ESPN: variants seen among roughly 807,000 people sequenced by gnomAD.
The protein encoded by ESPN is autosomal recessive deafness type 36 protein.
Under a neutral mutation model 77.7 loss-of-function variants are expected in ESPN, and 68 were observed. The observed-to-expected ratio is 0.87, with a 90% CI of 0.72 to 1.07. The LOEUF (loss-of-function observed/expected upper bound fraction) is 1.07. ESPN is among the 50% of genes least tolerant of loss of function. ESPN has a pLI of 0.00. For missense variants in ESPN, 1,060 were observed against 1,239.0 expected, an observed-to-expected ratio of 0.86 and a Z score of 2.17; for synonymous variants, 449 against 567.1, an observed-to-expected ratio of 0.79 and a Z score of 2.96.
rs1199434451 is a variant in ESPN at position 6,452,322 on chromosome 1, A to G, written c.2325+226A>G. ...CAGGTTCAAATGATTCTCCTGCCTC[A>G]GCCTCCCAGGTAGCTGGGATTACAG... On this transcript the variant is annotated intron_variant, in intron 10 of 12. Transcript: ENST00000645284. Among the ~76,000 whole-genome samples, 3 of 151,982 alleles carry G rather than the reference A, an allele frequency of 2.0e-5. No individual in the cohort carries two copies. The East Asian group carries it at 5.8e-4, about 29-fold the overall frequency.
In ESPN at chr1:6,447,775, T is replaced by G. The variant is rs1279352452; in HGVS notation, c.1465-866T>G. ...CGGGGGCCAAATATGAGAGGCCTCC[T>G]CTGCCCACAGTCAGCCCTCTCCCCT... On this transcript the variant is annotated intron_variant, in intron 7 of 12. Coordinates refer to ENST00000645284, the MANE Select transcript of ESPN (RefSeq NM_031475.3). The surrounding 1 kb of genome is among the most constrained non-coding windows in gnomAD (Gnocchi z 5.2). Among the ~76,000 whole-genome samples, 1 of 152,058 alleles carries G rather than the reference T, an allele frequency of 6.6e-6. No homozygotes were observed. Among genetic ancestry groups the G allele is most frequent in the Non-Finnish European group, 1.5e-5 (1 of 68,004 alleles).
intron 2 of ESPN, among the ~76,000 whole-genome samples, 156 bp from the exon 3 acceptor site, chr1:6,440,098 G>C (rs1643563980): frequency 6.6e-6 from 1 of 152,018 alleles, no homozygotes; most frequent in Non-Finnish European, 1.5e-5. Context: ...CTCAGTCCAG[G>C]GGGAGCCCCC....
chr1:6,445,301 C>T (rs962899362), intron 6 of ESPN, among the ~76,000 whole-genome samples: 8 of 152,386 alleles, frequency 5.2e-5, no homozygotes, highest in East Asian at 3.9e-4. Context: ...TGCTTCACGC[C>T]GCCAGATGGT....
intron 5 of ESPN, among the ~76,000 whole-genome samples, chr1:6,442,118 G>A (rs377599680): frequency 6.6e-6 from 1 of 152,196 alleles, no homozygotes; most frequent in Non-Finnish European, 1.5e-5. Flanking sequence ...TTGAGGGACC[G>A]TGGGGGGTGG....
rs747780607 is a variant in ESPN at position 6,440,977 on chromosome 1, G to A, written c.902G>A (p.Arg301His). 1 of 1,605,036 alleles carries A rather than the reference G, an allele frequency of 6.2e-7. No homozygotes were observed. The highest frequency in any genetic ancestry group is 1.7e-5 in the Admixed American group (1 of 59,156). Residue 301 changes from arginine (R) to histidine (H), a missense_variant, in exon 5 of 13, where the codon CGC becomes CAC. This residue lies in a region of ESPN where 556 missense variants were observed against 633.6 expected (regional missense o/e 0.88). Transcript: ENST00000645284. ...LVVNGAELDV[R>H]DRDGYTAADL... Reference sequence around the variant, plus strand: ...GTGAACGGCGCGGAGCTGGACGTCCGCGACCGCGACGGGTACACGGCCGCC... The same window carrying A: ...GTGAACGGCGCGGAGCTGGACGTCCACGACCGCGACGGGTACACGGCCGCC...
chr1:6,451,475 GC>G lies in ESPN; in HGVS notation c.1916-125del, dbSNP rs1643941317. ...TGCAGGACCTGGGATCTGGAGAGCT[GC>G]CCGCTGGCCCGGAGGATGGGCACCC... is the stretch of plus-strand genomic sequence containing the variant. On this transcript the variant is annotated intron_variant, in intron 8 of 12. Coordinates refer to ENST00000645284, the MANE Select transcript of ESPN (RefSeq NM_031475.3). The surrounding 1 kb of genome is among the most constrained non-coding windows in gnomAD (Gnocchi z 4.3). 1.5e-6 allele frequency: 2 copies of G among 1,332,602 alleles called. No individual in the cohort carries two copies. Among genetic ancestry groups the G allele is most frequent in the Non-Finnish European group, 2.1e-6 (2 of 952,028 alleles). 82.5% of individuals were successfully genotyped at this position (1,332,602 alleles called of 1,614,324 possible).
In ESPN at chr1:6,448,868, C is replaced by T. The variant is rs939407476; in HGVS notation, c.1692C>T (p.Leu564=). 5.4e-6 allele frequency: 7 copies of T among 1,294,782 alleles called. No homozygotes were observed. The African/African-American group carries it at 1.1e-4, about 20-fold the overall frequency. 80.2% of individuals were successfully genotyped at this position (1,294,782 alleles called of 1,614,324 possible). ...PRLGPAARGS[L]EGPSAPPQAA... ...TCGGCCCTGCCGCCCGCGGCTCACT[C>T]GAAGGCCCCTCCGCTCCCCCGCAGG... Residue 564 remains leucine (L), a synonymous_variant, in exon 8 of 13, where the codon CTC becomes CTT. Coordinates refer to ENST00000645284, the MANE Select transcript of ESPN (RefSeq NM_031475.3).
At chr1:6,443,861 G>A (rs910133759) in intron 5 of ESPN, among the ~76,000 whole-genome samples, 2 of 152,176 alleles carry the variant, frequency 1.3e-5, no homozygotes, top group Non-Finnish European at 2.9e-5. Flanking sequence ...ATGTAAGCAG[G>A]GCCCCCACCA....
rs1359326231 is a variant in ESPN at position 6,451,107 on chromosome 1, G to A, written c.1916-496G>A. ...GGTGGGGAGGGAGGGGACCAGGTGG[G>A]TACTGGCACTCTGGGGTCCGGACTT... On this transcript the variant is annotated intron_variant, in intron 8 of 12. Coordinates refer to ENST00000645284, the MANE Select transcript of ESPN (RefSeq NM_031475.3). The surrounding 1 kb of genome is among the most constrained non-coding windows in gnomAD (Gnocchi z 4.3). 1.3e-5 allele frequency among the ~76,000 whole-genome samples: 2 copies of A among 152,206 alleles called. No homozygotes were observed. Among genetic ancestry groups the A allele is most frequent in the Non-Finnish European group, 2.9e-5 (2 of 68,042 alleles).
chr1:6,426,590 C>T (rs1038656719), intron 1 of ESPN, among the ~76,000 whole-genome samples: 1 of 152,178 alleles, frequency 6.6e-6, no homozygotes, highest in African/African-American at 2.4e-5. Context: ...GACACCTGGA[C>T]AGCCTGGACA....
Position 6,447,838 on chromosome 1 carries a change from T to A in ESPN, c.1465-803T>A, listed in dbSNP as rs928383045. ...TGAAGGTGGGGGCTCAGCTCCCAGC[T>A]TAGGGAGAGGCGCAGGGGGCGGGGT... On this transcript the variant is annotated intron_variant, in intron 7 of 12. Coordinates refer to ENST00000645284, the MANE Select transcript of ESPN (RefSeq NM_031475.3). This position sits in a 1 kb window ranked among gnomAD's most constrained non-coding sequence, Gnocchi z 5.2. Among the ~76,000 whole-genome samples, 3 of 151,830 alleles carry A rather than the reference T, an allele frequency of 2.0e-5. No homozygotes were observed. The highest frequency in any genetic ancestry group is 7.3e-5 in the African/African-American group (3 of 41,342).
Position 6,435,167 on chromosome 1 carries a change from C to T in ESPN, c.489-5087C>T, listed in dbSNP as rs188635035. Among the ~76,000 whole-genome samples the T allele has an allele frequency of 1.2e-3, 187 of 152,166 alleles. 1 individual carries two copies. The highest frequency in any genetic ancestry group is 2.2e-3 in the Non-Finnish European group (148 of 67,992). On this transcript the variant is annotated intron_variant, in intron 2 of 12. Coordinates refer to ENST00000645284, the MANE Select transcript of ESPN (RefSeq NM_031475.3). ...GCCGGGAAGTTTGACTGGAGGACACCGAGAGCCATAGAGCCACCATAGGCT... is the reference window on the plus strand; with the variant it reads ...GCCGGGAAGTTTGACTGGAGGACACTGAGAGCCATAGAGCCACCATAGGCT...
In ESPN at chr1:6,450,852, C is replaced by G. The variant is rs1046745912; in HGVS notation, c.1916-751C>G. On this transcript the variant is annotated intron_variant, in intron 8 of 12. Coordinates refer to ENST00000645284, the MANE Select transcript of ESPN (RefSeq NM_031475.3). This position sits in a 1 kb window ranked among gnomAD's most constrained non-coding sequence, Gnocchi z 4.3. ...CAGACCTGACCCCTTCATCGGGGCTCAAGAGACCTCTCTCTCCAAATCTCC... is the reference window on the plus strand; with the variant it reads ...CAGACCTGACCCCTTCATCGGGGCTGAAGAGACCTCTCTCTCCAAATCTCC... Among the ~76,000 whole-genome samples the G allele has an allele frequency of 6.6e-6, 1 of 152,136 alleles. No homozygotes were observed. Among genetic ancestry groups the G allele is most frequent in the African/African-American group, 2.4e-5 (1 of 41,420 alleles).
chr1:6,430,969 G>A (rs1249033967), intron 2 of ESPN, among the ~76,000 whole-genome samples: 2 of 152,120 alleles, frequency 1.3e-5, no homozygotes, highest in East Asian at 1.9e-4. Flanking sequence ...GAGTGAGGAG[G>A]GGCAAAGAGC....
At chr1:6,435,768 A>G (rs1373651609) in intron 2 of ESPN, among the ~76,000 whole-genome samples, 4 of 152,232 alleles carry the variant, frequency 2.6e-5, no homozygotes, top group Non-Finnish European at 5.9e-5. Flanking sequence ...CAGGCCAGCC[A>G]TAGACCCTCC....
intron 3 of ESPN, 35 bp downstream of exon 3, chr1:6,440,475 C>A: frequency 2.1e-6 from 3 of 1,434,912 alleles, no homozygotes; most frequent in Non-Finnish European, 2.8e-6. Context: ...GCAGGGGAGG[C>A]GGGGCGGAGC....
Position 6,460,312 on chromosome 1 carries a change from C to T in ESPN, c.*166C>T, listed in dbSNP as rs1261574213. 1 of 885,740 alleles carries T rather than the reference C, an allele frequency of 1.1e-6. No individual in the cohort carries two copies. Among genetic ancestry groups the T allele is most frequent in the Non-Finnish European group, 1.7e-6 (1 of 588,790 alleles). 54.9% of individuals were successfully genotyped at this position (885,740 alleles called of 1,614,324 possible). A position where few individuals can be genotyped will look rare whatever the true frequency, so the allele number is the denominator to read the frequency against. ...GGCCCCCCGTATCCCCAGCCCTTGG[C>T]AACACTGGAGTGCACACGCCGCCAC... On this transcript the variant is annotated 3_prime_UTR_variant, in exon 13 of 13. Transcript: ENST00000645284.
Position 6,425,175 on chromosome 1 carries a change from G to A in ESPN, c.220G>A (p.Ala74Thr). Residue 74 changes from alanine to threonine, a missense_variant, in exon 1 of 13, where the codon GCC (alanine) becomes ACC (threonine). Ala to Thr is a moderately conservative substitution (Grantham distance 58). Transcript: ENST00000645284. ...AARARNGATPAHDASATGHLA... is the reference protein window; with the variant it reads ...AARARNGATPTHDASATGHLA... ...CCGCGCCCGCAACGGCGCCACACCG[G>A]CCCACGACGCCTCCGCCACCGGCCA... 1 of 1,534,756 alleles carries A rather than the reference G, an allele frequency of 6.5e-7. No homozygotes were observed. Among genetic ancestry groups the A allele is most frequent in the South Asian group, 1.2e-5 (1 of 84,238 alleles).
Position 6,460,435 on chromosome 1 carries a change from T to C in ESPN, c.*289T>C, listed in dbSNP as rs1644138926. The C allele has an allele frequency of 1.5e-5, 6 of 401,106 alleles. No individual in the cohort carries two copies. The highest frequency in any genetic ancestry group is 2.3e-5 in the Non-Finnish European group (5 of 216,176). 24.8% of individuals were successfully genotyped at this position (401,106 alleles called of 1,614,324 possible). ...CATATATTTGCATGTTCGTTGACTA[T>C]CAAAGAGTGCAGAGCTCTCCCCAGC... On this transcript the variant is annotated 3_prime_UTR_variant, in exon 13 of 13. Transcript: ENST00000645284.
Sources: gnomAD v4.1 joint callset for allele counts (sites outside exome capture counted in the v4.1 genomes callset) on GRCh38, gnomAD v4.1.1 for gene constraint, gnomAD v4.1.1 regional missense constraint, Gnocchi (gnomAD v3.1) non-coding constraint, MANE v1.5 for transcripts, NCBI Gene and HGNC (gene_info 2026-07-23, HGNC 2026-07-21) for gene names.